Variants in NAV2 observed in about 807,000 individuals in gnomAD.
NAV2 encodes neuron navigator 2, also known as helicase, APC down-regulated 1.
In NAV2, 54 loss-of-function variants were observed where a neutral mutation model predicts 223.2. That is an observed-to-expected ratio of 0.24 (90% CI 0.19 to 0.30). NAV2 has a LOEUF of 0.30. NAV2 is among the 10% of genes least tolerant of loss of function. The pLI is 1.00. For synonymous variants in NAV2, 1,279 were observed against 1,239.3 expected, an observed-to-expected ratio of 1.03 and a Z score of -0.67; for missense variants, 2,806 against 3,147.5, an observed-to-expected ratio of 0.89 and a Z score of 2.60.
intron 1 of NAV2, among the ~76,000 whole-genome samples, chr11:19,669,656 A>G (rs1313055207): frequency 6.6e-6 from 1 of 152,230 alleles, no homozygotes; most frequent in Non-Finnish European, 1.5e-5. Context: ...AATGAAGCTC[A>G]GCACTAGTGA....
At chr11:19,831,136 G>C (rs61879370) in intron 1 of NAV2, among the ~76,000 whole-genome samples, 21,392 of 149,396 alleles carry the variant, frequency 0.14, 1,686 homozygotes, top group Admixed American at 0.18. Flanking sequence ...ATGGTCCCCA[G>C]GTGGAGTAGC....
intron 1 of NAV2, among the ~76,000 whole-genome samples, chr11:19,635,819 A>C (rs2047482226): frequency 6.6e-6 from 1 of 152,220 alleles, no homozygotes; most frequent in Admixed American, 6.5e-5. Context: ...ATTGGCAATT[A>C]AACTTCAGCA....
intron 1 of NAV2, among the ~76,000 whole-genome samples, chr11:19,742,056 A>G (rs994532396): frequency 2.0e-5 from 3 of 152,030 alleles, no homozygotes; most frequent in Non-Finnish European, 4.4e-5. Flanking sequence ...GGTGTAAGGT[A>G]ATATCTGCAT....
At chr11:19,804,184 G>A (rs1376366141) in intron 1 of NAV2, among the ~76,000 whole-genome samples, 2 of 152,122 alleles carry the variant, frequency 1.3e-5, no homozygotes, top group African/African-American at 4.8e-5. Flanking sequence ...AATAGATAAT[G>A]TTCATACTCG....
chr11:19,905,088 T>C lies in NAV2; in HGVS notation c.931+12494T>C, dbSNP rs564311238. On this transcript the variant is annotated intron_variant, in intron 6 of 37. Transcript: ENST00000349880. ...TTCATTCCAAAAATGAGCTTTATTTTTGAGGGTGCTACTTGTACTCTAGGA... is the reference window on the plus strand; with the variant it reads ...TTCATTCCAAAAATGAGCTTTATTTCTGAGGGTGCTACTTGTACTCTAGGA... 5.9e-5 allele frequency among the ~76,000 whole-genome samples: 9 copies of C among 152,320 alleles called. No individual in the cohort carries two copies. The South Asian group carries it at 1.9e-3, about 32-fold the overall frequency.
intron 22 of NAV2, among the ~76,000 whole-genome samples, chr11:20,076,816 A>C (rs1460401071): frequency 6.6e-6 from 1 of 152,218 alleles, no homozygotes; most frequent in African/African-American, 2.4e-5. Flanking sequence ...TATAACTGGA[A>C]GCATTTAAAA....
chr11:19,792,062 C>T (rs2057559481), intron 1 of NAV2, among the ~76,000 whole-genome samples: 1 of 152,168 alleles, frequency 6.6e-6, no homozygotes, highest in Admixed American at 6.5e-5. Flanking sequence ...TTGTTCTGCA[C>T]ATGTGTGACA....
At chr11:19,351,765 A>G (rs1853327761) in intron 1 of NAV2, among the ~76,000 whole-genome samples, 1 of 149,026 alleles carries the variant, frequency 6.7e-6, no homozygotes, top group Non-Finnish European at 1.5e-5. Flanking sequence ...TGAACTGAAA[A>G]TAATTTCTGA....
chr11:19,969,722 A>C (rs1035349965), intron 10 of NAV2, among the ~76,000 whole-genome samples: 1 of 152,016 alleles, frequency 6.6e-6, no homozygotes, highest in Non-Finnish European at 1.5e-5. Flanking sequence ...GCGGGCGGAT[A>C]ATGAGGTCAG....
chr11:19,416,230 A>G (rs1850363959), intron 1 of NAV2, among the ~76,000 whole-genome samples: 1 of 152,216 alleles, frequency 6.6e-6, no homozygotes, highest in African/African-American at 2.4e-5. Flanking sequence ...TTAAGCTGAT[A>G]AGCAACTTCA....
At chr11:19,754,140 A>G (rs1299051575) in intron 1 of NAV2, among the ~76,000 whole-genome samples, 1 of 152,210 alleles carries the variant, frequency 6.6e-6, no homozygotes, top group Non-Finnish European at 1.5e-5. Context: ...TACAATGACC[A>G]TGAAAAAAGT....
intron 1 of NAV2, among the ~76,000 whole-genome samples, chr11:19,372,489 C>T (rs1848503325): frequency 6.6e-6 from 1 of 152,140 alleles, no homozygotes; most frequent in Admixed American, 6.6e-5. Context: ...AAATAGCTGT[C>T]AGTAAGACCA....
chr11:19,956,463 CT>C (rs1433637167), intron 10 of NAV2, among the ~76,000 whole-genome samples: 1 of 152,236 alleles, frequency 6.6e-6, no homozygotes, highest in African/African-American at 2.4e-5. Context: ...GTTACCCACA[CT>C]TCTGTCCAAC....
In NAV2 at chr11:19,440,493, C is replaced by T. The variant is rs75690309; in HGVS notation, c.75+89466C>T. On this transcript the variant is annotated intron_variant, in intron 1 of 37. Coordinates refer to the NAV2 transcript ENST00000360655. ...GAGGGTGGGTCTGGGAAGTTGAGAA[C>T]GGGGTAAGGAGAGGGGCTAGGTTAT... 2.5e-4 allele frequency among the ~76,000 whole-genome samples: 38 copies of T among 152,174 alleles called. No homozygotes were observed. In the East Asian group the frequency reaches 4.6e-3, roughly 19 times the overall value.
At chr11:20,056,659 T>C (rs2153613504) in intron 19 of NAV2, 1 of 1,414,892 alleles carries the variant, frequency 7.1e-7, no homozygotes, top group East Asian at 2.3e-5. Context: ...CTGTGGAGGA[T>C]ATCATCCCCA....
At chr11:19,959,121 T>C (rs1374094541) in intron 10 of NAV2, among the ~76,000 whole-genome samples, 1 of 152,198 alleles carries the variant, frequency 6.6e-6, no homozygotes, top group Non-Finnish European at 1.5e-5. Context: ...TCCTTTGTCA[T>C]TTCCTAGCTT....
chr11:19,588,888 C>T (rs1367619169), intron 1 of NAV2, among the ~76,000 whole-genome samples: 1 of 152,194 alleles, frequency 6.6e-6, no homozygotes, highest in African/African-American at 2.4e-5. Context: ...TGTCCTTGCC[C>T]ATGTTTCTTT....
At chr11:19,640,772 T>TTA (rs1446989860) in intron 1 of NAV2, among the ~76,000 whole-genome samples, 2 of 152,220 alleles carry the variant, frequency 1.3e-5, no homozygotes, top group Non-Finnish European at 2.9e-5. Context: ...AGCTGACTTC[T>TTA]TATCCTCTGG....
intron 1 of NAV2, among the ~76,000 whole-genome samples, chr11:19,369,668 A>C (rs2133848461): frequency 6.6e-6 from 1 of 152,264 alleles, no homozygotes; most frequent in South Asian, 2.1e-4. Context: ...CATTGATTCT[A>C]CAGAATCAAT....
Sources: gnomAD v4.1 joint callset for allele counts (sites outside exome capture counted in the v4.1 genomes callset) on GRCh38, gnomAD v4.1.1 for gene constraint, MANE v1.5 for transcripts, NCBI Gene and HGNC (gene_info 2026-07-23, HGNC 2026-07-21) for gene names.